TMEM200A: variants seen among roughly 807,000 people sequenced by gnomAD.
TMEM200A encodes the protein transmembrane protein 200A.
In TMEM200A, 12 loss-of-function variants were observed where a neutral mutation model predicts 24.3. The observed-to-expected ratio is 0.49, with a 90% CI of 0.32 to 0.80. The LOEUF (loss-of-function observed/expected upper bound fraction) is 0.80, where lower values mean the gene tolerates loss of function less well. Among genes scored for constraint, TMEM200A ranks in the 30% least tolerant of loss-of-function variants. The pLI, the probability that TMEM200A is intolerant of heterozygous loss-of-function variation, is 0.04. For synonymous variants in TMEM200A, 224 were observed against 224.4 expected, an observed-to-expected ratio of 1.00 and a Z score of 0.02; for missense variants, 545 against 614.4, an observed-to-expected ratio of 0.89 and a Z score of 1.19.
chr6:130,437,640 C>T (rs1206577096), intron 2 of TMEM200A: 1 of 152,188 alleles, frequency 6.6e-6, no homozygotes, highest in Non-Finnish European at 1.5e-5. Flanking sequence ...TTCCTCCACC[C>T]ATTAAATTCT....
chr6:130,399,260 A>G (rs533200784), intron 2 of TMEM200A, among the ~76,000 whole-genome samples: 5 of 152,020 alleles, frequency 3.3e-5, no homozygotes, highest in Non-Finnish European at 7.4e-5. Flanking sequence ...GTATGCATTT[A>G]AAAAAATTCT....
At chr6:130,396,604 TATAC>T (rs1778960461) in intron 2 of TMEM200A, among the ~76,000 whole-genome samples, 1 of 152,086 alleles carries the variant, frequency 6.6e-6, no homozygotes, top group Admixed American at 6.6e-5. Flanking sequence ...ATCAAAACCA[TATAC>T]ATTATATATA....
chr6:130,365,729 TGTTCCCAAAGATGG>T, upstream of TMEM200A: 1 of 985,424 alleles, frequency 1.0e-6, no homozygotes, highest in Non-Finnish European at 1.2e-6. Flanking sequence ...GCGGGTACTT[TGTTCCCAAAGATGG>T]GTTTTGTCTG....
chr6:130,423,740 A>T (rs1378827881), intron 2 of TMEM200A, among the ~76,000 whole-genome samples: 2 of 152,116 alleles, frequency 1.3e-5, no homozygotes, highest in East Asian at 1.9e-4. Context: ...AACACCAGAA[A>T]TTATGCCTCC....
At chr6:130,399,999 C>T (rs1293656431) in intron 2 of TMEM200A, among the ~76,000 whole-genome samples, 3 of 151,924 alleles carry the variant, frequency 2.0e-5, no homozygotes, top group South Asian at 2.1e-4. Context: ...TCCAGGTCAT[C>T]GCAAATGCTG....
At position 130,403,589 on chromosome 6, in the gene TMEM200A, C is replaced by T. The variant is rs568181708; in HGVS notation, c.-17+18353C>T. On this transcript the variant is annotated intron_variant, in intron 2 of 2. Transcript: ENST00000296978. ...TTACAGTGAAAAAAGCCTGGATCATCTATAGTTTTTGAGTAAATCCTTCTT... is the reference window on the plus strand; with the variant it reads ...TTACAGTGAAAAAAGCCTGGATCATTTATAGTTTTTGAGTAAATCCTTCTT... Among the ~76,000 whole-genome samples, 23 of 151,712 alleles carry T rather than the reference C, an allele frequency of 1.5e-4. No individual in the cohort carries two copies. In the East Asian group the frequency reaches 4.3e-3, roughly 28 times the overall value.
chr6:130,381,775 A>G (rs1209444914), intron 1 of TMEM200A: 1 of 275,130 alleles, frequency 3.6e-6, no homozygotes, highest in Non-Finnish European at 5.5e-6. Context: ...ATGTCATTTT[A>G]AAATTCAAGT....
chr6:130,382,396 G>A (rs1311925952), intron 1 of TMEM200A, among the ~76,000 whole-genome samples: 2 of 152,182 alleles, frequency 1.3e-5, no homozygotes, highest in African/African-American at 4.8e-5. Flanking sequence ...AGCTCTGCCT[G>A]GATGGGAAAT....
chr6:130,424,001 A>G (rs527337413), intron 2 of TMEM200A, among the ~76,000 whole-genome samples: 1 of 152,328 alleles, frequency 6.6e-6, no homozygotes, highest in South Asian at 2.1e-4. Flanking sequence ...GCACTGTGCT[A>G]TGCAATTCAG....
At position 130,409,156 on chromosome 6, in the gene TMEM200A, A is replaced by G. The variant is rs187579776; in HGVS notation, c.-17+23920A>G. On this transcript the variant is annotated intron_variant, in intron 2 of 2. Transcript: ENST00000296978. ...TTCATGGTGGTCTAAGGTTTTCTCT[A>G]CCTTTTCCTGCACCCTCTTTTCTTT... Among the ~76,000 whole-genome samples the G allele has an allele frequency of 4.2e-3, 634 of 151,770 alleles. 3 individuals are homozygous for G. Among genetic ancestry groups the G allele is most frequent in the Admixed American group, 8.5e-3 (130 of 15,246 alleles).
intron 2 of TMEM200A, among the ~76,000 whole-genome samples, chr6:130,414,265 C>G: frequency 6.6e-6 from 1 of 151,858 alleles, no homozygotes; most frequent in Admixed American, 6.6e-5. Flanking sequence ...AACCCCATCT[C>G]TACTAAAAAT....
At chr6:130,413,136 C>G (rs1462990603) in intron 2 of TMEM200A, among the ~76,000 whole-genome samples, 5 of 152,148 alleles carry the variant, frequency 3.3e-5, no homozygotes, top group Admixed American at 3.3e-4. Context: ...TTAAACAGAA[C>G]AAAAGTGTAA....
At position 130,425,437 on chromosome 6, in the gene TMEM200A, T is replaced by C. The variant is rs534312229; in HGVS notation, c.-16-14970T>C. 3.9e-5 allele frequency among the ~76,000 whole-genome samples: 6 copies of C among 152,222 alleles called. No homozygotes were observed. In the South Asian group the frequency reaches 1.2e-3, roughly 32 times the overall value. ...CTATTTGATTTACCTAATTACTTGATTTCATTATCTTATTCAGATTTAGGA... is the reference window on the plus strand; with the variant it reads ...CTATTTGATTTACCTAATTACTTGACTTCATTATCTTATTCAGATTTAGGA... On this transcript the variant is annotated intron_variant, in intron 2 of 2. Coordinates refer to ENST00000296978, the MANE Select transcript of TMEM200A (RefSeq NM_001258277.2).
At chr6:130,376,572 A>G (rs982785134) in intron 1 of TMEM200A, among the ~76,000 whole-genome samples, 2 of 152,256 alleles carry the variant, frequency 1.3e-5, no homozygotes, top group African/African-American at 4.8e-5. Flanking sequence ...GGTGTGAGCC[A>G]CTGCACCCAG....
intron 2 of TMEM200A, among the ~76,000 whole-genome samples, chr6:130,408,970 AG>A (rs1779272227): frequency 1.3e-5 from 2 of 152,100 alleles, no homozygotes; most frequent in Admixed American, 1.3e-4. Context: ...ATTCCCAGAC[AG>A]TGACTGAGCA....
intron 2 of TMEM200A, among the ~76,000 whole-genome samples, chr6:130,426,925 T>A (rs1242754829): frequency 6.6e-6 from 1 of 152,188 alleles, no homozygotes; most frequent in African/African-American, 2.4e-5. Flanking sequence ...GTTGTCCAAG[T>A]GGGTAGAATT....
At chr6:130,409,134 A>T (rs537878654) in intron 2 of TMEM200A, among the ~76,000 whole-genome samples, 1 of 152,104 alleles carries the variant, frequency 6.6e-6, no homozygotes, top group Non-Finnish European at 1.5e-5. Context: ...CCAAGGCTTC[A>T]TGGTGGTCTA....
chr6:130,366,448 C>G lies in TMEM200A; in HGVS notation c.-157C>G. On this transcript the variant is annotated 5_prime_UTR_variant, in exon 1 of 3. Coordinates refer to ENST00000296978, the MANE Select transcript of TMEM200A (RefSeq NM_001258277.2). This position sits in a 1 kb window ranked among gnomAD's most constrained non-coding sequence, Gnocchi z 4.4. ...CCGCCTCCAGAGGCGCCCGACGTCC[C>G]GACAGCTCCTGGAGTGAGACCAGGA... is the stretch of plus-strand genomic sequence containing the variant. The G allele has an allele frequency of 1.2e-5, 12 of 985,610 alleles. No individual in the cohort carries two copies. The highest frequency in any genetic ancestry group is 1.4e-5 in the Non-Finnish European group (12 of 830,084). The allele number at this position is 985,610 out of a possible 1,614,324, so 61.1% of individuals were successfully genotyped here.
chr6:130,429,874 G>C (rs1028056005), intron 2 of TMEM200A, among the ~76,000 whole-genome samples: 1 of 151,802 alleles, frequency 6.6e-6, no homozygotes, highest in Admixed American at 6.6e-5. Flanking sequence ...TCCTCAATAC[G>C]TAAAAAAAAC....
Sources: allele counts gnomAD v4.1 joint callset (sites outside exome capture counted in the v4.1 genomes callset), GRCh38; gene constraint gnomAD v4.1.1; non-coding constraint Gnocchi (gnomAD v3.1); transcripts MANE v1.5; gene names NCBI Gene and HGNC (gene_info 2026-07-23, HGNC 2026-07-21).